The following TACC1 variants were observed in gnomAD, a reference collection of about 807,000 sequenced individuals.
The protein encoded by TACC1 is transforming acidic coiled-coil containing protein 1, also known as transforming acidic coiled-coil-containing protein 1.
A neutral mutation model predicts 84.4 loss-of-function variants in TACC1; 48 were observed. That is an observed-to-expected ratio of 0.57 (90% confidence interval 0.45 to 0.72). The LOEUF is 0.72. Ranked by LOEUF, TACC1 falls within the 30% of genes least tolerant of loss-of-function variation. The pLI, the probability that TACC1 is intolerant of heterozygous loss-of-function variation, is 0.00. For synonymous variants in TACC1, 372 were observed against 376.3 expected (o/e 0.99, Z 0.13); for missense variants, 920 against 973.0 (o/e 0.95, Z 0.72).
At chr8:38,805,221 A>G (rs920381458) in intron 2 of TACC1, among the ~76,000 whole-genome samples, 2 of 152,212 alleles carry the variant, frequency 1.3e-5, no homozygotes, top group African/African-American at 4.8e-5. Context: ...CCTTAGATGA[A>G]TTATCTGCAT....
At chr8:38,822,245 T>TAAAA (rs139176772) in intron 3 of TACC1, among the ~76,000 whole-genome samples, 6 of 118,972 alleles carry the variant, frequency 5.0e-5, no homozygotes, top group African/African-American at 6.4e-5. Flanking sequence ...ACCCTGTCTT[T>TAAAA]AAAAAAAAAA....
Position 38,846,804 on chromosome 8 carries a change from G to A in TACC1, c.2334G>A (p.Arg778=). ...AGATGAAGGTGGAGTCCCTGGAAAG[G>A]GCCCTGCAGCAGAAGGTACAGAAAG... ...KEQMKVESLE[R]ALQQKNQEIE... is the part of the protein sequence containing the mutation. The change falls in exon 12 of 13, where the codon AGG becomes AGA. Residue 778 remains arginine (R), a synonymous_variant. Transcript: ENST00000317827. The A allele has an allele frequency of 6.2e-7, 1 of 1,614,116 alleles. No individual in the cohort carries two copies.
Position 38,787,435 on chromosome 8 carries a change from C to G in TACC1, c.-148C>G. 1 of 1,357,430 alleles carries G rather than the reference C, an allele frequency of 7.4e-7. No homozygotes were observed. Among genetic ancestry groups the G allele is most frequent in the East Asian group, 3.1e-5 (1 of 32,056 alleles). 84.1% of individuals were successfully genotyped at this position (1,357,430 alleles called of 1,614,324 possible). A position where few individuals can be genotyped will look rare whatever the true frequency, so the allele number is the denominator to read the frequency against. ...GCGGGAGGAAGCGCTCCACCAGGGC[C>G]CCCGACGGCACTCGTTTAACCACAT... On this transcript the variant is annotated 5_prime_UTR_variant, in exon 1 of 13. Transcript: ENST00000317827.
intron 2 of TACC1, among the ~76,000 whole-genome samples, chr8:38,809,540 G>T (rs967036845): frequency 1.3e-5 from 2 of 152,140 alleles, no homozygotes; most frequent in Non-Finnish European, 2.9e-5. Context: ...AGCTGGTGGA[G>T]ATGATGGAGA....
chr8:38,798,212 TC>T, intron 2 of TACC1, among the ~76,000 whole-genome samples: 1 of 152,000 alleles, frequency 6.6e-6, no homozygotes, highest in South Asian at 2.1e-4. Flanking sequence ...CAGCCTCAAC[TC>T]CCAGTCTTAA....
At chr8:38,749,205 A>G (rs944792526) in intron 3 of TACC1, among the ~76,000 whole-genome samples, 2 of 152,204 alleles carry the variant, frequency 1.3e-5, no homozygotes, top group African/African-American at 4.8e-5. Flanking sequence ...AAATACATAA[A>G]TTATAAATCT....
Position 38,849,336 on chromosome 8 carries a change from G to T in TACC1, c.*1313G>T, listed in dbSNP as rs1832801954. ...GCTCTTACTGGACTCAGTTCAGAGTGGTGGGCCATTAACCCCAACATGGAA... is the reference window on the plus strand; with the variant it reads ...GCTCTTACTGGACTCAGTTCAGAGTTGTGGGCCATTAACCCCAACATGGAA... On this transcript the variant is annotated 3_prime_UTR_variant, in exon 13 of 13. Coordinates refer to ENST00000317827, the MANE Select transcript of TACC1 (RefSeq NM_006283.3). The T allele has an allele frequency of 6.6e-6, 1 of 152,170 alleles. No individual in the cohort carries two copies. Among genetic ancestry groups the T allele is most frequent in the Non-Finnish European group, 1.5e-5 (1 of 68,028 alleles). 9.4% of individuals were successfully genotyped at this position (152,170 alleles called of 1,614,324 possible).
At chr8:38,827,613 A>T (rs1828388753) in intron 5 of TACC1, 3 of 543,716 alleles carry the variant, frequency 5.5e-6, no homozygotes, top group Non-Finnish European at 9.8e-6. Flanking sequence ...TGTATGTGAG[A>T]CTGCTTGAAT....
upstream of TACC1, chr8:38,787,175 G>A: frequency 1.0e-6 from 1 of 985,384 alleles, no homozygotes; most frequent in South Asian, 4.7e-5. Flanking sequence ...GGTCCGAGGG[G>A]GCGGCTTCTG....
chr8:38,820,469 C>G lies in TACC1; in HGVS notation c.1225C>G (p.Leu409Val). 1 of 1,614,220 alleles carries G rather than the reference C, an allele frequency of 6.2e-7. No individual in the cohort carries two copies. Among genetic ancestry groups the G allele is most frequent in the East Asian group, 2.2e-5 (1 of 44,880 alleles). The change falls in exon 3 of 13, where the codon CTC (leucine) becomes GTC (valine). Residue 409 changes from leucine to valine, a missense_variant. Physicochemically the swap from Leu to Val is conservative, Grantham distance 32. This residue lies in a region of TACC1 where 762 missense variants were observed against 747.3 expected (regional missense o/e 1.02). Transcript: ENST00000317827. The part of the protein sequence containing the change: ...SHSVLQNSPP[L>V]SSEGSYHFDP... Reference sequence around the variant, plus strand: ...CTCTGTTCTGCAGAACTCCCCACCCCTCTCTTCTGAGGGCTCCTACCACTT... The same window carrying G: ...CTCTGTTCTGCAGAACTCCCCACCCGTCTCTTCTGAGGGCTCCTACCACTT...
chr8:38,768,139 G>A (rs1812640674), intron 3 of TACC1, among the ~76,000 whole-genome samples: 1 of 151,596 alleles, frequency 6.6e-6, no homozygotes, highest in Non-Finnish European at 1.5e-5. Context: ...GGGAAGGGAG[G>A]GAGGAAGGGA....
At chr8:38,803,059 GT>G (rs1329012845) in intron 2 of TACC1, among the ~76,000 whole-genome samples, 7 of 152,078 alleles carry the variant, frequency 4.6e-5, no homozygotes, top group African/African-American at 1.7e-4. Context: ...AAATGGAATT[GT>G]TTTCTTAATT....
chr8:38,802,477 G>A (rs896088292), intron 2 of TACC1, among the ~76,000 whole-genome samples: 1 of 152,144 alleles, frequency 6.6e-6, no homozygotes, highest in African/African-American at 2.4e-5. Flanking sequence ...ATCTGAGCTG[G>A]AACAGTTTTA....
In TACC1 at chr8:38,846,830, G is replaced by T; in HGVS notation, c.2349+11G>T. ...GCCCTGCAGCAGAAGGTACAGAAAGGGACCTGATCTGGGTGGCCACAGAGA... is the reference window on the plus strand; with the variant it reads ...GCCCTGCAGCAGAAGGTACAGAAAGTGACCTGATCTGGGTGGCCACAGAGA... On this transcript the variant is annotated intron_variant, in intron 12 of 12. Transcript: ENST00000317827. The T allele has an allele frequency of 6.2e-7, 1 of 1,613,676 alleles. No homozygotes were observed.
intron 3 of TACC1, among the ~76,000 whole-genome samples, chr8:38,754,178 T>G (rs1388894199): frequency 2.6e-5 from 4 of 152,090 alleles, no homozygotes; most frequent in Non-Finnish European, 5.9e-5. Context: ...GGTCTCAAAC[T>G]CCTGAACTCA....
At chr8:38,809,490 C>T (rs1366524948) in intron 2 of TACC1, among the ~76,000 whole-genome samples, 1 of 152,070 alleles carries the variant, frequency 6.6e-6, no homozygotes, top group African/African-American at 2.4e-5. Context: ...TTGGTGCACA[C>T]CCCCTTTTGA....
intron 3 of TACC1, among the ~76,000 whole-genome samples, chr8:38,823,214 G>A (rs923855685): frequency 5.3e-5 from 8 of 152,204 alleles, no homozygotes; most frequent in African/African-American, 1.7e-4. Flanking sequence ...CAGCAGCCCC[G>A]GAATGGCTAA....
rs560081609 is a variant in TACC1 at position 38,735,040 on chromosome 8, G to T, written c.-675+6369G>T. On this transcript the variant is annotated intron_variant, in intron 1 of 14. Transcript: ENST00000518415. ...AGGCACCACACGTGCTTGTTCAGAT[G>T]CAAGGATACGTCATGGAAAAGAGAG... is the stretch of plus-strand genomic sequence containing the variant. Among the ~76,000 whole-genome samples, 9 of 152,348 alleles carry T rather than the reference G, an allele frequency of 5.9e-5. No homozygotes were observed. The South Asian group carries it at 1.9e-3, about 32-fold the overall frequency.
At chr8:38,839,039 G>A (rs1224449574) in intron 8 of TACC1, among the ~76,000 whole-genome samples, 1 of 151,992 alleles carries the variant, frequency 6.6e-6, no homozygotes, top group Non-Finnish European at 1.5e-5. Context: ...TGGGACCACA[G>A]GCATGTGCCA....
Sources: gnomAD v4.1 joint callset for allele counts (sites outside exome capture counted in the v4.1 genomes callset) on GRCh38, gnomAD v4.1.1 for gene constraint, gnomAD v4.1.1 regional missense constraint, MANE v1.5 for transcripts, NCBI Gene and HGNC (gene_info 2026-07-23, HGNC 2026-07-21) for gene names.